The following LYRM4 variants were observed in gnomAD, a reference collection of about 807,000 sequenced individuals.
The protein encoded by LYRM4 is LYR motif containing 4, also known as LYR motif-containing protein 4.
In LYRM4, 9 loss-of-function variants were observed where a neutral mutation model predicts 11.7. The ratio of observed to expected loss-of-function variants is 0.77; its 90% CI spans 0.46 to 1.34. The LOEUF is 1.34. LYRM4 is among the 40% of genes most tolerant of loss of function. The pLI is 0.00. For missense variants in LYRM4, 133 were observed against 112.5 expected (o/e 1.18, Z -0.82); for synonymous variants, 42 against 40.4 (o/e 1.04, Z -0.15).
At chr6:5,229,894 C>T (rs753170582) in intron 1 of LYRM4, among the ~76,000 whole-genome samples, 7 of 152,274 alleles carry the variant, frequency 4.6e-5, no homozygotes, top group Admixed American at 1.3e-4. Context: ...TCTGCCCAGG[C>T]GTCCTTTCTG....
the LYRM4 span, among the ~76,000 whole-genome samples, chr6:5,076,524 A>G: frequency 2.6e-5 from 4 of 152,210 alleles, no homozygotes; most frequent in African/African-American, 9.7e-5. Context: ...TGCTGCGAGC[A>G]GCAGTAAACT....
At chr6:5,120,269 G>C (rs1411087489) in intron 2 of LYRM4, among the ~76,000 whole-genome samples, 3 of 152,184 alleles carry the variant, frequency 2.0e-5, no homozygotes, top group Non-Finnish European at 4.4e-5. Context: ...CATCTCACAA[G>C]CTTTCTGTTC....
At chr6:5,174,599 C>G (rs906900926) in intron 2 of LYRM4, among the ~76,000 whole-genome samples, 1 of 152,186 alleles carries the variant, frequency 6.6e-6, no homozygotes. Flanking sequence ...TCAAGGAGGG[C>G]AGGCAGAAAA....
chr6:5,188,611 T>C (rs1202892189), intron 2 of LYRM4, among the ~76,000 whole-genome samples: 1 of 152,208 alleles, frequency 6.6e-6, no homozygotes, highest in Non-Finnish European at 1.5e-5. Flanking sequence ...ACTTGGCTCC[T>C]TTACTTACTA....
chr6:5,186,649 C>T (rs1466090511), intron 2 of LYRM4: 2 of 984,878 alleles, frequency 2.0e-6, no homozygotes, highest in Non-Finnish European at 2.4e-6. Context: ...CAGCATGACA[C>T]AAAATTCAAA....
chr6:5,188,353 C>A (rs1481631681), intron 2 of LYRM4, among the ~76,000 whole-genome samples: 3 of 150,258 alleles, frequency 2.0e-5, no homozygotes, highest in Admixed American at 2.0e-4. Context: ...GGTGACAGAG[C>A]AAGACTCACT....
chr6:5,052,839 G>A, the LYRM4 span, among the ~76,000 whole-genome samples: 1 of 152,154 alleles, frequency 6.6e-6, no homozygotes, highest in Non-Finnish European at 1.5e-5. Flanking sequence ...CACTCTCTAT[G>A]CTTCACTCCT....
chr6:5,138,836 G>T, intron 2 of LYRM4: 2 of 851,674 alleles, frequency 2.3e-6, no homozygotes, highest in Non-Finnish European at 3.6e-6. Flanking sequence ...TGCTAGAGGT[G>T]TTTAAGACAG....
chr6:5,162,017 C>T (rs1196910070), intron 2 of LYRM4, among the ~76,000 whole-genome samples: 1 of 152,056 alleles, frequency 6.6e-6, no homozygotes, highest in East Asian at 1.9e-4. Context: ...TACAACAACC[C>T]CCAGAAAAAA....
rs542471686 is a variant in LYRM4 at position 5,179,078 on chromosome 6, A to C, written c.207+37540T>G. The stretch of plus-strand genomic sequence containing the variant: ...AAACCAAAAAAACAAAAAAAAAAAA[A>C]AAAAAAAAAAAGAAAGAAAAGAGGA... On this transcript the variant is annotated intron_variant, in intron 2 of 2. Transcript: ENST00000330636. Among the ~76,000 whole-genome samples the C allele has an allele frequency of 1.1e-3, 172 of 149,952 alleles. 1 individual carries two copies. The highest frequency in any genetic ancestry group is 3.8e-3 in the African/African-American group (155 of 41,322).
intron 1 of LYRM4, among the ~76,000 whole-genome samples, chr6:5,235,302 C>G (rs932386347): frequency 2.0e-5 from 3 of 152,156 alleles, no homozygotes; most frequent in African/African-American, 4.8e-5. Flanking sequence ...GCCACTGCGC[C>G]TGGCACACTG....
At chr6:5,082,222 C>T in the LYRM4 span, among the ~76,000 whole-genome samples, 2 of 152,238 alleles carry the variant, frequency 1.3e-5, no homozygotes, top group East Asian at 1.9e-4. Flanking sequence ...AAGTGGGGGC[C>T]GTCTTGTGGG....
rs552771252 is a variant in LYRM4 at position 5,167,794 on chromosome 6, AT to A, written c.207+48823del. On this transcript the variant is annotated intron_variant, in intron 2 of 2. Coordinates refer to ENST00000330636, the MANE Select transcript of LYRM4 (RefSeq NM_020408.6). ...ATCCATTTCTAGAGAAATACATTGC[AT>A]TTTTTTTTAAGCTATGAATGGGGTA... Among the ~76,000 whole-genome samples, 399 of 151,234 alleles carry A rather than the reference AT, an allele frequency of 2.6e-3. 1 individual carries two copies. Among genetic ancestry groups the A allele is most frequent in the Non-Finnish European group, 4.0e-3 (269 of 67,770 alleles).
At chr6:5,249,418 G>A (rs1453839936) in intron 1 of LYRM4, among the ~76,000 whole-genome samples, 1 of 152,136 alleles carries the variant, frequency 6.6e-6, no homozygotes, top group Non-Finnish European at 1.5e-5. Context: ...GAAAGATAGG[G>A]TGAAAAGAAA....
the LYRM4 span, among the ~76,000 whole-genome samples, chr6:5,058,324 C>G: frequency 6.6e-6 from 1 of 152,190 alleles, no homozygotes; most frequent in Non-Finnish European, 1.5e-5. Flanking sequence ...TGCTGGCCTT[C>G]CCTGAGTGCT....
At chr6:5,144,783 G>A (rs1042533937) in intron 2 of LYRM4, among the ~76,000 whole-genome samples, 11 of 152,202 alleles carry the variant, frequency 7.2e-5, no homozygotes, top group Admixed American at 2.0e-4. Context: ...GCTGCAGTGC[G>A]GCGCTCACTC....
the LYRM4 span, among the ~76,000 whole-genome samples, chr6:5,057,515 G>C: frequency 6.6e-6 from 1 of 152,018 alleles, no homozygotes; most frequent in Non-Finnish European, 1.5e-5. Context: ...TCAGGAGTTC[G>C]AGACCAGCCT....
intron 2 of LYRM4, among the ~76,000 whole-genome samples, chr6:5,117,253 C>CT (rs1468720574): frequency 1.3e-5 from 2 of 152,234 alleles, no homozygotes; most frequent in Non-Finnish European, 2.9e-5. Context: ...CTAGGCCTGT[C>CT]TCTGTCAAGA....
the LYRM4 span, among the ~76,000 whole-genome samples, chr6:5,050,876 TAAAC>T: frequency 6.6e-6 from 1 of 152,182 alleles, no homozygotes; most frequent in Non-Finnish European, 1.5e-5. Context: ...GTAGACTTAC[TAAAC>T]AAAGAGTTTA....
Sources: gnomAD v4.1 joint callset for allele counts (sites outside exome capture counted in the v4.1 genomes callset) on GRCh38, gnomAD v4.1.1 for gene constraint, MANE v1.5 for transcripts, NCBI Gene and HGNC (gene_info 2026-07-23, HGNC 2026-07-21) for gene names.